L3MBTL4: variants seen among roughly 807,000 people sequenced by gnomAD.
The protein encoded by L3MBTL4 is lethal(3)malignant brain tumor-like protein 4.
A neutral mutation model predicts 84.5 loss-of-function variants in L3MBTL4; 70 were observed. That is an observed-to-expected ratio of 0.83 (90% confidence interval 0.68 to 1.01). The LOEUF (loss-of-function observed/expected upper bound fraction) is 1.01. L3MBTL4 is among the 50% of genes least tolerant of loss of function. The pLI, the probability that L3MBTL4 is intolerant of heterozygous loss-of-function variation, is 0.00. For synonymous variants in L3MBTL4, 274 were observed against 259.8 expected (o/e 1.05, Z -0.52); for missense variants, 715 against 754.8 (o/e 0.95, Z 0.62).
At chr18:6,203,617 T>G (rs768559647) in intron 12 of L3MBTL4, among the ~76,000 whole-genome samples, 1 of 152,092 alleles carries the variant, frequency 6.6e-6, no homozygotes, top group Non-Finnish European at 1.5e-5. Context: ...GAGAAAGGTA[T>G]TACAAACCAG....
At chr18:6,249,016 A>G (rs2047809347) in intron 5 of L3MBTL4, among the ~76,000 whole-genome samples, 1 of 152,238 alleles carries the variant, frequency 6.6e-6, no homozygotes, top group East Asian at 1.9e-4. Context: ...ATGATTTCTC[A>G]GGAATATTTT....
At chr18:6,393,984 G>A (rs2055166496) in intron 1 of L3MBTL4, among the ~76,000 whole-genome samples, 1 of 151,996 alleles carries the variant, frequency 6.6e-6, no homozygotes, top group African/African-American at 2.4e-5. Context: ...CCTCAACCAA[G>A]CCCACACCCG....
intron 13 of L3MBTL4, among the ~76,000 whole-genome samples, chr18:6,150,097 A>C (rs527606748): frequency 6.6e-6 from 1 of 152,208 alleles, no homozygotes; most frequent in Non-Finnish European, 1.5e-5. Flanking sequence ...CTAAAAGAGA[A>C]ATTTAGTACA....
At chr18:6,188,103 C>T (rs1283321828) in intron 12 of L3MBTL4, among the ~76,000 whole-genome samples, 1 of 151,902 alleles carries the variant, frequency 6.6e-6, no homozygotes, top group African/African-American at 2.4e-5. Context: ...CATTAATTCC[C>T]CGCCTCCCTC....
chr18:6,001,867 G>A (rs1182307382), intron 16 of L3MBTL4, among the ~76,000 whole-genome samples: 2 of 152,184 alleles, frequency 1.3e-5, no homozygotes, highest in African/African-American at 4.8e-5. Context: ...AAAGAGCACA[G>A]AGACAATTTG....
chr18:6,004,997 AT>A (rs60294342), intron 16 of L3MBTL4, among the ~76,000 whole-genome samples: 79 of 52,152 alleles, frequency 1.5e-3, no homozygotes, highest in African/African-American at 4.6e-3. Context: ...TAAGATGATA[AT>A]TTTTTTTTTT....
At chr18:6,246,115 T>G (rs556366706) in intron 5 of L3MBTL4, among the ~76,000 whole-genome samples, 13 of 152,318 alleles carry the variant, frequency 8.5e-5, no homozygotes, top group African/African-American at 3.1e-4. Context: ...CTGACCCCTC[T>G]CTTATGTTTC....
chr18:6,284,182 C>A (rs1301923899), intron 4 of L3MBTL4, among the ~76,000 whole-genome samples: 3 of 152,214 alleles, frequency 2.0e-5, no homozygotes, highest in African/African-American at 7.2e-5. Flanking sequence ...AGTGAACATT[C>A]ATTTCCAAGT....
At chr18:6,136,620 T>C (rs73381918) in intron 14 of L3MBTL4, among the ~76,000 whole-genome samples, 2,350 of 152,254 alleles carry the variant, frequency 0.015, 63 homozygotes, top group African/African-American at 0.053. Flanking sequence ...TCAGACTGAC[T>C]GTGGCCCACT....
At chr18:6,197,045 C>T (rs1454523903) in intron 12 of L3MBTL4, among the ~76,000 whole-genome samples, 2 of 152,222 alleles carry the variant, frequency 1.3e-5, no homozygotes, top group Non-Finnish European at 2.9e-5. Context: ...AAAAGTGGGT[C>T]TAAGCCAGAT....
intron 1 of L3MBTL4, among the ~76,000 whole-genome samples, chr18:6,410,311 A>G (rs986226837): frequency 6.6e-6 from 1 of 152,226 alleles, no homozygotes; most frequent in Non-Finnish European, 1.5e-5. Flanking sequence ...ACAAATCTGC[A>G]TTACGCACTC....
intron 16 of L3MBTL4, among the ~76,000 whole-genome samples, chr18:6,018,403 C>A (rs990572992): frequency 1.3e-5 from 2 of 152,158 alleles, no homozygotes; most frequent in Non-Finnish European, 2.9e-5. Flanking sequence ...AGGGCTGAGC[C>A]CCCACTGCAA....
intron 1 of L3MBTL4, among the ~76,000 whole-genome samples, chr18:6,339,645 G>C (rs941152198): frequency 5.3e-5 from 8 of 151,892 alleles, no homozygotes; most frequent in Non-Finnish European, 1.2e-4. Flanking sequence ...AATAGACAAA[G>C]CCAAAGGTTT....
chr18:6,264,739 G>A (rs546519390), intron 4 of L3MBTL4, among the ~76,000 whole-genome samples: 17 of 152,228 alleles, frequency 1.1e-4, no homozygotes, highest in East Asian at 5.8e-4. Flanking sequence ...AGCCGAGATC[G>A]CACTACTGCA....
intron 16 of L3MBTL4, among the ~76,000 whole-genome samples, chr18:6,011,945 C>T (rs527615158): frequency 1.3e-4 from 20 of 152,288 alleles, no homozygotes; most frequent in Admixed American, 2.6e-4. Flanking sequence ...GCTGCTTTTC[C>T]GATTCCCATT....
In L3MBTL4 at chr18:6,167,369, G is replaced by A. The variant is rs367957251; in HGVS notation, c.1096+4459C>T. 8.7e-4 allele frequency among the ~76,000 whole-genome samples: 132 copies of A among 151,872 alleles called. No individual in the cohort carries two copies. The South Asian group carries it at 0.013, about 15-fold the overall frequency. ...TGATACCAAAGCCTGGCAGAGACAC[G>A]ACAAAAAAATAGAATTTTAGACCAA... On this transcript the variant is annotated intron_variant, in intron 13 of 18. Coordinates refer to ENST00000317931, the MANE Select transcript of L3MBTL4 (RefSeq NM_001330559.2).
intron 14 of L3MBTL4, among the ~76,000 whole-genome samples, chr18:6,106,290 A>G (rs1317644830): frequency 1.3e-5 from 2 of 152,246 alleles, no homozygotes; most frequent in African/African-American, 4.8e-5. Context: ...TGCCTTGTAC[A>G]TACTAGGTAC....
chr18:5,957,887 G>A (rs1383435574), intron 18 of L3MBTL4, among the ~76,000 whole-genome samples: 1 of 151,320 alleles, frequency 6.6e-6, no homozygotes, highest in Non-Finnish European at 1.5e-5. Flanking sequence ...TTGAACTTGG[G>A]AGGCAGAGGT....
chr18:6,202,828 C>A (rs1479011980), intron 12 of L3MBTL4, among the ~76,000 whole-genome samples: 1 of 152,130 alleles, frequency 6.6e-6, no homozygotes. Context: ...CGTAGACATA[C>A]AAAAGATGTC....
Sources: allele counts gnomAD v4.1 joint callset (sites outside exome capture counted in the v4.1 genomes callset), GRCh38; gene constraint gnomAD v4.1.1; transcripts MANE v1.5; gene names NCBI Gene and HGNC (gene_info 2026-07-23, HGNC 2026-07-21).